ARHGEF7: variants seen among roughly 807,000 people sequenced by gnomAD.
ARHGEF7 encodes Rho guanine nucleotide exchange factor 7.
In ARHGEF7, 33 loss-of-function variants were observed where a neutral mutation model predicts 109.8. The ratio of observed to expected loss-of-function variants is 0.30; its 90% CI spans 0.23 to 0.40. The LOEUF is 0.40. Among genes scored for constraint, ARHGEF7 ranks in the 10% least tolerant of loss-of-function variants. ARHGEF7 has a pLI of 1.00. For missense variants in ARHGEF7, 938 were observed against 1,098.5 expected (o/e 0.85, Z 2.07); for synonymous variants, 458 against 424.6 (o/e 1.08, Z -0.97).
rs780812917 is a variant in ARHGEF7, at chr13:111,115,701, G to GGCCCGCGCCCCC, written c.165+23_165+34dup. The GGCCCGCGCCCCC allele has an allele frequency of 1.7e-6, 2 of 1,180,960 alleles. No homozygotes were observed. The highest frequency in any genetic ancestry group is 4.0e-5 in the East Asian group (1 of 25,144). The allele number at this position is 1,180,960 out of a possible 1,614,324, so 73.2% of individuals were successfully genotyped here. A position where few individuals can be genotyped will look rare whatever the true frequency, so the allele number is the denominator to read the frequency against. ...CGGGACCATCGAGAAAGTAAGTCCC[G>GGCCCGCGCCCCC]GCCCGCGCCCCCGCCCGCGCCCCCC... is the stretch of plus-strand genomic sequence containing the variant. On this transcript the variant is annotated intron_variant, in intron 1 of 21. Coordinates refer to ENST00000646102, the MANE Select transcript of ARHGEF7 (RefSeq NM_001354046.2).
chr13:111,176,995 G>A (rs1339296825), intron 2 of ARHGEF7, among the ~76,000 whole-genome samples: 2 of 152,254 alleles, frequency 1.3e-5, no homozygotes, highest in Middle Eastern at 3.2e-3. Context: ...GACCACAGGT[G>A]ATCCACCCGC....
chr13:111,294,127 G>C (rs922187759), intron 19 of ARHGEF7: 1 of 985,326 alleles, frequency 1.0e-6, no homozygotes, highest in African/African-American at 1.7e-5. Context: ...CTCCGGCAGA[G>C]ATGGGGTTTA....
rs1422913775 is a variant in ARHGEF7, at chr13:111,292,289, C to T, written c.2306C>T (p.Thr769Ile). Reference protein sequence around the residue: ...WTAHSYRMGSTSRSRKESAPQ... With the variant: ...WTAHSYRMGSISRSRKESAPQ... The stretch of plus-strand genomic sequence containing the variant: ...GCCCATAGTTACAGAATGGGTTCTA[C>T]ATCTCGTAAGAGCTGTTGCTCATAT... The change falls in exon 19 of 22, where the codon ACA becomes ATA. Residue 769 changes from threonine (T) to isoleucine (I), a missense_variant. Transcript: ENST00000646102. 1.2e-6 allele frequency: 2 copies of T among 1,614,252 alleles called. No individual in the cohort carries two copies. Among genetic ancestry groups the T allele is most frequent in the Admixed American group, 1.7e-5 (1 of 60,034 alleles).
At chr13:111,236,863 G>A (rs2086906659) in intron 6 of ARHGEF7, among the ~76,000 whole-genome samples, 1 of 152,142 alleles carries the variant, frequency 6.6e-6, no homozygotes, top group Non-Finnish European at 1.5e-5. Context: ...TACTCGGGAG[G>A]CTGAGGTGGG....
At position 111,172,442 on chromosome 13, in the gene ARHGEF7, C is replaced by G. The variant is rs58053649; in HGVS notation, c.252+18451C>G. 5.9e-3 allele frequency among the ~76,000 whole-genome samples: 892 copies of G among 152,290 alleles called. 12 individuals carry two copies. Among genetic ancestry groups the G allele is most frequent in the African/African-American group, 0.021 (853 of 41,554 alleles). On this transcript the variant is annotated intron_variant, in intron 2 of 21. Transcript: ENST00000646102. ...CCTGAAGTCATGGCATTCTCCAGTT[C>G]CAAGTCACGTGGTGGTGCCGCTCTC...
intron 5 of ARHGEF7, among the ~76,000 whole-genome samples, chr13:111,221,516 T>TAC (rs1566875867): frequency 1.1e-4 from 5 of 47,262 alleles, no homozygotes; most frequent in East Asian, 1.1e-3. Context: ...TATATATAGA[T>TAC]ATATATCTAT....
intron 2 of ARHGEF7, among the ~76,000 whole-genome samples, chr13:111,196,852 A>G (rs929285718): frequency 5.3e-5 from 8 of 152,194 alleles, no homozygotes; most frequent in African/African-American, 1.9e-4. Flanking sequence ...TCCCTCTTAC[A>G]GAAAAGGTCA....
intron 8 of ARHGEF7, among the ~76,000 whole-genome samples, chr13:111,261,370 A>G (rs896717599): frequency 3.3e-5 from 5 of 152,212 alleles, no homozygotes; most frequent in African/African-American, 1.2e-4. Context: ...AGAGACAAAG[A>G]AAGTCATTAT....
intron 6 of ARHGEF7, among the ~76,000 whole-genome samples, chr13:111,242,867 C>T (rs1416477000): frequency 1.3e-5 from 2 of 152,224 alleles, no homozygotes; most frequent in Non-Finnish European, 2.9e-5. Context: ...CAGTTCACAT[C>T]CAGGTGCCTT....
chr13:111,126,937 A>G (rs1342306096), intron 1 of ARHGEF7, among the ~76,000 whole-genome samples: 1 of 152,240 alleles, frequency 6.6e-6, no homozygotes, highest in Non-Finnish European at 1.5e-5. Context: ...AGAATAATAA[A>G]GAACAGAATG....
chr13:111,291,443 G>C (rs920055538), intron 18 of ARHGEF7, among the ~76,000 whole-genome samples: 2 of 152,250 alleles, frequency 1.3e-5, no homozygotes, highest in African/African-American at 4.8e-5. Flanking sequence ...CCTGCCTGCG[G>C]GCTAAGCTCC....
intron 2 of ARHGEF7, among the ~76,000 whole-genome samples, chr13:111,174,920 G>A (rs74126726): frequency 1.4e-4 from 22 of 152,302 alleles, no homozygotes; most frequent in African/African-American, 3.6e-4. Context: ...TGTGCGTGTC[G>A]GGTGAAACCT....
In ARHGEF7 at chr13:111,300,788, A is replaced by G; in HGVS notation, c.2352A>G (p.Glu784=). ...CTGCTCCACAAGTTTTGCTTCCAGA[A>G]GAAGAGAAAATTATAGTGGAAGAAA... ...KESAPQVLLP[E]EEKIIVEETK... The change falls in exon 20 of 22, where the codon GAA becomes GAG. Residue 784 remains glutamate (E), a synonymous_variant. Transcript: ENST00000646102. 2 of 1,611,966 alleles carry G rather than the reference A, an allele frequency of 1.2e-6. No individual in the cohort carries two copies. The highest frequency in any genetic ancestry group is 1.1e-5 in the South Asian group (1 of 90,504).
At chr13:111,194,262 A>G (rs7326370) in intron 2 of ARHGEF7, among the ~76,000 whole-genome samples, 63,443 of 151,970 alleles carry the variant, frequency 0.42, 13,770 homozygotes, top group Non-Finnish European at 0.47. Flanking sequence ...GAAGGCTTAA[A>G]TCTGGAGCTT....
At chr13:111,117,656 GTTTC>G (rs996494774) in intron 1 of ARHGEF7, among the ~76,000 whole-genome samples, 12 of 152,078 alleles carry the variant, frequency 7.9e-5, no homozygotes, top group East Asian at 1.9e-4. Flanking sequence ...AGTTATCTGG[GTTTC>G]TTTCTTTCTT....
Position 111,303,652 on chromosome 13 carries a change from T to C in ARHGEF7, c.*539T>C, listed in dbSNP as rs1466732299. 1.3e-5 allele frequency: 2 copies of C among 152,268 alleles called. No homozygotes were observed. The highest frequency in any genetic ancestry group is 2.9e-5 in the Non-Finnish European group (2 of 68,104). The allele number at this position is 152,268 out of a possible 1,614,324, so 9.4% of individuals were successfully genotyped here. A position where few individuals can be genotyped will look rare whatever the true frequency, so the allele number is the denominator to read the frequency against. On this transcript the variant is annotated 3_prime_UTR_variant, in exon 22 of 22. Coordinates refer to ENST00000646102, the MANE Select transcript of ARHGEF7 (RefSeq NM_001354046.2). The stretch of plus-strand genomic sequence containing the variant: ...TGGCAGCACCCCCCATGTCGGTATT[T>C]CTAAATAACCTTATTTATACCTGCA...
At chr13:111,120,407 G>A (rs950762465) in intron 1 of ARHGEF7, among the ~76,000 whole-genome samples, 1 of 152,122 alleles carries the variant, frequency 6.6e-6, no homozygotes, top group African/African-American at 2.4e-5. Flanking sequence ...GTGCACACAC[G>A]AACTTATGCA....
At chr13:111,211,952 C>T (rs924795556) in intron 4 of ARHGEF7, among the ~76,000 whole-genome samples, 1 of 152,098 alleles carries the variant, frequency 6.6e-6, no homozygotes, top group African/African-American at 2.4e-5. Context: ...TTGCGTAAGA[C>T]GCTTCCATCC....
intron 19 of ARHGEF7, among the ~76,000 whole-genome samples, chr13:111,296,238 G>GT (rs1439625773): frequency 6.6e-6 from 1 of 151,488 alleles, no homozygotes; most frequent in African/African-American, 2.4e-5. Flanking sequence ...CTAGAGATGT[G>GT]TGACTATTTG....
Sources: gnomAD v4.1 joint callset for allele counts (sites outside exome capture counted in the v4.1 genomes callset) on GRCh38, gnomAD v4.1.1 for gene constraint, MANE v1.5 for transcripts, NCBI Gene and HGNC (gene_info 2026-07-23, HGNC 2026-07-21) for gene names.